MLLT10: variants seen among roughly 807,000 people sequenced by gnomAD.
The protein encoded by MLLT10 is MLLT10 histone lysine methyltransferase DOT1L cofactor, also known as protein AF-10.
In MLLT10, 30 loss-of-function variants were observed where a neutral mutation model predicts 129.1. The ratio of observed to expected loss-of-function variants is 0.23; its 90% CI spans 0.17 to 0.32. The LOEUF (loss-of-function observed/expected upper bound fraction) is 0.32. Ranked by LOEUF, MLLT10 falls within the 10% of genes least tolerant of loss-of-function variation. MLLT10 has a pLI of 1.00. For synonymous variants in MLLT10, 490 were observed against 446.4 expected (o/e 1.10, Z -1.23); for missense variants, 1,119 against 1,268.3 (o/e 0.88, Z 1.79).
At chr10:21,674,933 T>C (rs2051918745) in intron 11 of MLLT10, among the ~76,000 whole-genome samples, 1 of 152,182 alleles carries the variant, frequency 6.6e-6, no homozygotes, top group South Asian at 2.1e-4. Flanking sequence ...TTAGATTGTT[T>C]TAATAGTTGT....
intron 6 of MLLT10, among the ~76,000 whole-genome samples, chr10:21,613,882 G>T (rs1358399907): frequency 6.6e-6 from 1 of 151,838 alleles, no homozygotes; most frequent in African/African-American, 2.4e-5. Context: ...CTCTGGCCTG[G>T]GTGACAGAAT....
Position 21,742,365 on chromosome 10 carries a change from A to G in MLLT10, c.*382A>G. The G allele has an allele frequency of 4.2e-6, 1 of 240,772 alleles. No homozygotes were observed. Among genetic ancestry groups the G allele is most frequent in the East Asian group, 6.2e-5 (1 of 16,232 alleles). 14.9% of individuals were successfully genotyped at this position (240,772 alleles called of 1,614,324 possible). ...AACTAAATACTTGCTCCATTTACAA[A>G]CTACTTGATTTTATTGTACAAGTTG... On this transcript the variant is annotated 3_prime_UTR_variant, in exon 23 of 23. Transcript: ENST00000307729.
At chr10:21,741,849 C>A in intron 22 of MLLT10, 90 bp from the exon 23 acceptor site, 3 of 1,391,782 alleles carry the variant, frequency 2.2e-6, no homozygotes, top group Admixed American at 1.9e-5. Context: ...ACTTTCTATA[C>A]CACATTTTAT....
chr10:21,550,827 C>T (rs1321024063), intron 3 of MLLT10, among the ~76,000 whole-genome samples: 7 of 151,650 alleles, frequency 4.6e-5, no homozygotes, highest in South Asian at 2.1e-4. Flanking sequence ...CTATGGCGTC[C>T]GGCCTTATTT....
chr10:21,622,514 G>C (rs552369368), intron 8 of MLLT10, among the ~76,000 whole-genome samples: 5 of 151,968 alleles, frequency 3.3e-5, no homozygotes, highest in African/African-American at 1.2e-4. Flanking sequence ...TATTTTAAAA[G>C]GAACCAGAGC....
intron 13 of MLLT10, among the ~76,000 whole-genome samples, chr10:21,707,189 A>ATTTT (rs1199544245): frequency 1.5e-4 from 18 of 122,500 alleles, no homozygotes; most frequent in African/African-American, 4.1e-4. Context: ...AGTTTAGATG[A>ATTTT]TTTTTTTTTT....
At chr10:21,647,621 G>A (rs1300226486) in intron 8 of MLLT10, among the ~76,000 whole-genome samples, 1 of 151,504 alleles carries the variant, frequency 6.6e-6, no homozygotes, top group African/African-American at 2.4e-5. Flanking sequence ...TCACTATATA[G>A]GAGAAAAATA....
intron 14 of MLLT10, among the ~76,000 whole-genome samples, chr10:21,722,767 AG>A: frequency 6.6e-6 from 1 of 152,252 alleles, no homozygotes; most frequent in Non-Finnish European, 1.5e-5. Context: ...AGACTCATCA[AG>A]GGTCCCAGTA....
intron 3 of MLLT10, among the ~76,000 whole-genome samples, chr10:21,560,528 C>T (rs1459217506): frequency 2.0e-5 from 3 of 152,120 alleles, no homozygotes; most frequent in Non-Finnish European, 2.9e-5. Flanking sequence ...CGTCAACCTC[C>T]TGGGATCAGG....
intron 9 of MLLT10, among the ~76,000 whole-genome samples, chr10:21,657,103 G>A (rs2049666754): frequency 6.6e-6 from 1 of 152,026 alleles, no homozygotes; most frequent in South Asian, 2.1e-4. Context: ...AGGAAAAAAA[G>A]GGGAGATGCC....
chr10:21,682,318 G>C (rs897429017), intron 13 of MLLT10, 61 bp downstream of exon 13: 2 of 1,449,842 alleles, frequency 1.4e-6, no homozygotes, highest in Non-Finnish European at 1.9e-6. Context: ...CTTTTGTAGA[G>C]AATCTCGATT....
intron 9 of MLLT10, among the ~76,000 whole-genome samples, chr10:21,657,467 T>G (rs2049728177): frequency 6.6e-6 from 1 of 151,864 alleles, no homozygotes; most frequent in African/African-American, 2.4e-5. Flanking sequence ...GCTGTCAATG[T>G]TATTTTGGTA....
intron 7 of MLLT10, among the ~76,000 whole-genome samples, chr10:21,616,623 G>A (rs1245911719): frequency 6.6e-6 from 1 of 151,958 alleles, no homozygotes; most frequent in African/African-American, 2.4e-5. Flanking sequence ...CAAATAAAAT[G>A]TGCAGGAATT....
intron 8 of MLLT10, among the ~76,000 whole-genome samples, chr10:21,637,137 C>T (rs1357752208): frequency 1.3e-5 from 2 of 152,072 alleles, no homozygotes; most frequent in Non-Finnish European, 2.9e-5. Context: ...GGCTTTTTTG[C>T]CAGAGGATTC....
At chr10:21,705,654 C>A (rs2055418428) in intron 13 of MLLT10, among the ~76,000 whole-genome samples, 1 of 152,148 alleles carries the variant, frequency 6.6e-6, no homozygotes, top group South Asian at 2.1e-4. Flanking sequence ...TGTGCAGTAG[C>A]CCACACTTTG....
intron 4 of MLLT10, among the ~76,000 whole-genome samples, chr10:21,587,326 G>C (rs2042080659): frequency 6.6e-6 from 1 of 151,480 alleles, no homozygotes; most frequent in African/African-American, 2.4e-5. Flanking sequence ...AAGCTGAGCA[G>C]GAGGATGGCT....
chr10:21,609,003 C>G (rs553898167), intron 5 of MLLT10, among the ~76,000 whole-genome samples: 1 of 152,204 alleles, frequency 6.6e-6, no homozygotes, highest in East Asian at 1.9e-4. Context: ...GTGTGTCTTA[C>G]TGTTGTTTGT....
intron 8 of MLLT10, among the ~76,000 whole-genome samples, chr10:21,617,502 T>C (rs1157218757): frequency 6.6e-6 from 1 of 152,190 alleles, no homozygotes; most frequent in Non-Finnish European, 1.5e-5. Context: ...TCAGCAATAA[T>C]AGTTCGTTGC....
intron 3 of MLLT10, among the ~76,000 whole-genome samples, chr10:21,562,038 T>C (rs2038883509): frequency 6.6e-6 from 1 of 151,830 alleles, no homozygotes; most frequent in African/African-American, 2.4e-5. Context: ...ACTCCCAATC[T>C]TGGTTGATCT....
Sources: gnomAD v4.1 joint callset for allele counts (sites outside exome capture counted in the v4.1 genomes callset) on GRCh38, gnomAD v4.1.1 for gene constraint, MANE v1.5 for transcripts, NCBI Gene and HGNC (gene_info 2026-07-23, HGNC 2026-07-21) for gene names.